Variants in PIBF1 observed in about 807,000 individuals in gnomAD.
PIBF1 encodes the protein progesterone-induced-blocking factor 1.
In PIBF1, 90 loss-of-function variants were observed where a neutral mutation model predicts 112.5. The observed-to-expected ratio is 0.80, with a 90% confidence interval of 0.67 to 0.95. The LOEUF is 0.95. PIBF1 is among the 40% of genes least tolerant of loss of function. PIBF1 has a pLI of 0.00. For synonymous variants in PIBF1, 301 were observed against 288.6 expected (o/e 1.04, Z -0.44); for missense variants, 915 against 852.3 (o/e 1.07, Z -0.92).
intron 14 of PIBF1, among the ~76,000 whole-genome samples, chr13:72,956,064 A>C (rs2042437143): frequency 6.6e-6 from 1 of 152,182 alleles, no homozygotes; most frequent in African/African-American, 2.4e-5. Flanking sequence ...GAGAGAGAAA[A>C]TTCTTAGGTT....
At chr13:73,011,083 T>C (rs1470049807) in intron 17 of PIBF1, among the ~76,000 whole-genome samples, 2 of 152,064 alleles carry the variant, frequency 1.3e-5, no homozygotes, top group African/African-American at 4.8e-5. Context: ...CACCTTGGCC[T>C]CCCAAAGTGC....
chr13:72,903,520 C>T (rs1017357775), intron 11 of PIBF1, among the ~76,000 whole-genome samples: 19 of 152,176 alleles, frequency 1.2e-4, no homozygotes, highest in Non-Finnish European at 2.6e-4. Flanking sequence ...ATATCCAGTT[C>T]AGTAGCCACT....
At position 72,927,681 on chromosome 13, in the gene PIBF1, A is replaced by G. The variant is rs1373895880; in HGVS notation, c.1731-3484A>G. Among the ~76,000 whole-genome samples the G allele has an allele frequency of 2.6e-5, 4 of 151,772 alleles. No individual in the cohort carries two copies. In the East Asian group the frequency reaches 5.8e-4, roughly 22 times the overall value. On this transcript the variant is annotated intron_variant, in intron 13 of 17. Coordinates refer to ENST00000326291, the MANE Select transcript of PIBF1 (RefSeq NM_006346.4). ...CTGTTTTTGTTTTACTGTAAGTATT[A>G]TAATGATGAAAAACAGTTATATTTC... is the stretch of plus-strand genomic sequence containing the variant.
Position 72,783,339 on chromosome 13 carries a change from A to C in PIBF1, c.-47-84A>C, listed in dbSNP as rs2034400447. 3 of 649,432 alleles carry C rather than the reference A, an allele frequency of 4.6e-6. No homozygotes were observed. In the East Asian group the frequency reaches 8.2e-5, roughly 18 times the overall value. 40.2% of individuals were successfully genotyped at this position (649,432 alleles called of 1,614,324 possible). On this transcript the variant is annotated intron_variant, in intron 1 of 17. Coordinates refer to ENST00000326291, the MANE Select transcript of PIBF1 (RefSeq NM_006346.4). ...TAAATTGCCTAATATTTATTTAAGG[A>C]ATCCTTAGTCTCTCTTTAATACAGT...
chr13:72,971,640 GT>G (rs1566504189), intron 15 of PIBF1, among the ~76,000 whole-genome samples: 1 of 152,024 alleles, frequency 6.6e-6, no homozygotes, highest in Non-Finnish European at 1.5e-5. Flanking sequence ...CATTTATATA[GT>G]TTTATGAGTT....
intron 16 of PIBF1, among the ~76,000 whole-genome samples, chr13:72,974,963 A>AT (rs1021989638): frequency 1.3e-5 from 2 of 151,824 alleles, no homozygotes; most frequent in African/African-American, 4.8e-5. Flanking sequence ...AACCATTGGT[A>AT]TTTTTAACAC....
intron 14 of PIBF1, among the ~76,000 whole-genome samples, chr13:72,958,720 T>G (rs900495300): frequency 2.6e-5 from 4 of 152,130 alleles, no homozygotes; most frequent in Non-Finnish European, 5.9e-5. Context: ...AATGTATCAG[T>G]TAAATATTAC....
At chr13:72,950,269 C>T (rs1034219465) in intron 14 of PIBF1, among the ~76,000 whole-genome samples, 11 of 152,066 alleles carry the variant, frequency 7.2e-5, no homozygotes, top group African/African-American at 2.7e-4. Context: ...CTCAGAGAAC[C>T]CCAATACTTT....
chr13:72,850,520 T>C (rs896160492), intron 9 of PIBF1, among the ~76,000 whole-genome samples: 2 of 152,236 alleles, frequency 1.3e-5, no homozygotes, highest in Non-Finnish European at 2.9e-5. Context: ...TCATTTCTCA[T>C]GTCCATTGTT....
intron 6 of PIBF1, among the ~76,000 whole-genome samples, chr13:72,826,359 CTG>C (rs2036813397): frequency 1.3e-5 from 2 of 152,280 alleles, no homozygotes; most frequent in South Asian, 4.1e-4. Flanking sequence ...ACAGCCCTCT[CTG>C]TGGAAATACC....
intron 14 of PIBF1, among the ~76,000 whole-genome samples, chr13:72,933,444 T>C (rs927828670): frequency 2.6e-5 from 4 of 152,174 alleles, no homozygotes; most frequent in African/African-American, 9.7e-5. Context: ...GGGGGATCAC[T>C]TGAGGTCAAG....
At chr13:72,894,015 A>C in intron 11 of PIBF1, 66 bp downstream of exon 11, 3 of 382,532 alleles carry the variant, frequency 7.8e-6, no homozygotes, top group Admixed American at 8.7e-5. Context: ...CAAGATTTAT[A>C]TTGAGCTTTA....
At chr13:72,913,059 A>AT (rs892097641) in intron 12 of PIBF1, among the ~76,000 whole-genome samples, 15 of 148,246 alleles carry the variant, frequency 1.0e-4, no homozygotes, top group South Asian at 6.4e-4. Flanking sequence ...GGGGGTAAAA[A>AT]TTTTTTTTTT....
rs78258217 is a variant in PIBF1 at position 72,902,025 on chromosome 13, TAC to T, written c.1489-6498_1489-6497del. 8.5e-4 allele frequency among the ~76,000 whole-genome samples: 128 copies of T among 150,854 alleles called. 3 individuals are homozygous for T. The East Asian group carries it at 8.7e-3, about 10-fold the overall frequency. On this transcript the variant is annotated intron_variant, in intron 11 of 17. Transcript: ENST00000326291. ...ATGTATATGTGTGTGTGTGTGTGTA[TAC>T]ACACACATGATGGAATACTGCTCAG...
At chr13:72,994,862 T>C (rs1037535432) in intron 16 of PIBF1, among the ~76,000 whole-genome samples, 3 of 152,244 alleles carry the variant, frequency 2.0e-5, no homozygotes, top group African/African-American at 7.2e-5. Flanking sequence ...TCCTGTTTGC[T>C]TTGTCAGTTT....
intron 9 of PIBF1, among the ~76,000 whole-genome samples, chr13:72,848,215 C>T (rs932858607): frequency 6.6e-6 from 1 of 152,108 alleles, no homozygotes; most frequent in African/African-American, 2.4e-5. Context: ...CCTTGCATTG[C>T]CAAACTCTGA....
intron 10 of PIBF1, among the ~76,000 whole-genome samples, chr13:72,880,760 G>A (rs971135294): frequency 2.0e-5 from 3 of 152,128 alleles, no homozygotes; most frequent in Non-Finnish European, 4.4e-5. Flanking sequence ...AAGATTATTT[G>A]AGACCTTTTT....
chr13:72,865,992 T>C (rs1340547583), intron 10 of PIBF1, among the ~76,000 whole-genome samples: 1 of 152,230 alleles, frequency 6.6e-6, no homozygotes, highest in Non-Finnish European at 1.5e-5. Context: ...AACTAAGATG[T>C]TGACATGGCT....
intron 10 of PIBF1, among the ~76,000 whole-genome samples, chr13:72,868,803 G>C (rs1418665712): frequency 1.5e-5 from 2 of 133,602 alleles, no homozygotes; most frequent in African/African-American, 5.7e-5. Context: ...GGGCAACATA[G>C]TGAGACCCCA....
Sources: allele counts gnomAD v4.1 joint callset (sites outside exome capture counted in the v4.1 genomes callset), GRCh38; gene constraint gnomAD v4.1.1; transcripts MANE v1.5; gene names NCBI Gene and HGNC (gene_info 2026-07-23, HGNC 2026-07-21).